The following ROBO1 variants were observed in gnomAD, a reference collection of about 807,000 sequenced individuals.
The protein encoded by ROBO1 is roundabout guidance receptor 1.
ROBO1 carries 149 observed loss-of-function variants against 195.9 expected under a neutral mutation model. That is an observed-to-expected ratio of 0.76 (90% CI 0.67 to 0.87). The LOEUF (loss-of-function observed/expected upper bound fraction) is 0.87, where lower values mean the gene tolerates loss of function less well. ROBO1 is among the 40% of genes least tolerant of loss of function. The probability of loss-of-function intolerance (pLI) is 0.00; values close to 1 mark genes in which losing one functional copy is unlikely to be tolerated. For missense variants in ROBO1, 1,933 were observed against 2,068.3 expected, an observed-to-expected ratio of 0.93 and a Z score of 1.27; for synonymous variants, 816 against 733.2, an observed-to-expected ratio of 1.11 and a Z score of -1.82.
chr3:78,803,882 C>G (rs766715704), intron 4 of ROBO1, among the ~76,000 whole-genome samples: 4 of 151,890 alleles, frequency 2.6e-5, no homozygotes, highest in Non-Finnish European at 5.9e-5. Context: ...ATGATTAATT[C>G]TTAAATGTAT....
At chr3:79,502,332 G>C (rs1053528547) in intron 2 of ROBO1, among the ~76,000 whole-genome samples, 1 of 152,166 alleles carries the variant, frequency 6.6e-6, no homozygotes, top group Non-Finnish European at 1.5e-5. Context: ...GCGGGGGCTC[G>C]GCGAGCCGCA....
intron 4 of ROBO1, among the ~76,000 whole-genome samples, chr3:78,759,548 C>T (rs942169134): frequency 1.3e-5 from 2 of 152,128 alleles, no homozygotes; most frequent in African/African-American, 4.8e-5. Context: ...TTGAGGCCCC[C>T]TCTTGTCCAT....
chr3:78,776,583 G>C (rs1315344804), intron 4 of ROBO1, among the ~76,000 whole-genome samples: 1 of 152,192 alleles, frequency 6.6e-6, no homozygotes, highest in Non-Finnish European at 1.5e-5. Context: ...TGAGGAATTT[G>C]CCTTTAGTGG....
At chr3:79,353,805 G>A (rs1047912403) in intron 2 of ROBO1, among the ~76,000 whole-genome samples, 2 of 152,290 alleles carry the variant, frequency 1.3e-5, no homozygotes, top group East Asian at 3.9e-4. Context: ...AGCACTTTGT[G>A]AGGCCAAGGA....
chr3:78,930,918 T>G (rs573588470), intron 4 of ROBO1, among the ~76,000 whole-genome samples: 1 of 152,336 alleles, frequency 6.6e-6, no homozygotes, highest in South Asian at 2.1e-4. Flanking sequence ...CCCAGTAATA[T>G]CCACATGTAA....
At chr3:79,641,483 C>A (rs1190949145) in intron 1 of ROBO1, among the ~76,000 whole-genome samples, 1 of 151,884 alleles carries the variant, frequency 6.6e-6, no homozygotes, top group Non-Finnish European at 1.5e-5. Context: ...ACCAGCATGG[C>A]ACATGTATAC....
intron 18 of ROBO1, among the ~76,000 whole-genome samples, chr3:78,655,370 G>A (rs549855267): frequency 6.6e-6 from 1 of 152,218 alleles, no homozygotes; most frequent in South Asian, 2.1e-4. Flanking sequence ...TGGGAGTAGT[G>A]ATGTGTACCA....
intron 24 of ROBO1, among the ~76,000 whole-genome samples, chr3:78,632,090 C>A (rs925904518): frequency 6.6e-6 from 1 of 152,068 alleles, no homozygotes; most frequent in African/African-American, 2.4e-5. Flanking sequence ...GACAAAATAT[C>A]CCCTTTCCAA....
chr3:79,102,434 T>C (rs1318373681), intron 3 of ROBO1, among the ~76,000 whole-genome samples: 2 of 151,748 alleles, frequency 1.3e-5, no homozygotes, highest in Non-Finnish European at 2.9e-5. Flanking sequence ...ATTAAGCTTA[T>C]TAAACATCAT....
intron 2 of ROBO1, among the ~76,000 whole-genome samples, chr3:79,241,965 A>G (rs1465139675): frequency 6.8e-6 from 1 of 147,574 alleles, no homozygotes; most frequent in Non-Finnish European, 1.5e-5. Context: ...TTTTTTCATG[A>G]AAGACACATT....
At chr3:78,678,753 C>G (rs542584203) in intron 10 of ROBO1, among the ~76,000 whole-genome samples, 1 of 152,020 alleles carries the variant, frequency 6.6e-6, no homozygotes, top group African/African-American at 2.4e-5. Flanking sequence ...GGTACAAGGA[C>G]GAACTGATAC....
At chr3:78,751,454 T>C (rs2108308063) in intron 4 of ROBO1, among the ~76,000 whole-genome samples, 1 of 152,256 alleles carries the variant, frequency 6.6e-6, no homozygotes, top group East Asian at 1.9e-4. Flanking sequence ...TGGTTTTGAT[T>C]CACAGGTGAG....
At chr3:79,767,108 G>A (rs1559568136) in intron 1 of ROBO1, among the ~76,000 whole-genome samples, 1 of 151,966 alleles carries the variant, frequency 6.6e-6, no homozygotes, top group Non-Finnish European at 1.5e-5. Flanking sequence ...CCTACATACC[G>A]CCAAGAGTTT....
At chr3:79,122,819 T>TC (rs2080144647) in intron 3 of ROBO1, among the ~76,000 whole-genome samples, 1 of 151,932 alleles carries the variant, frequency 6.6e-6, no homozygotes, top group Non-Finnish European at 1.5e-5. Flanking sequence ...TATTTCATGT[T>TC]CCCCCCAAAA....
chr3:79,533,573 A>G (rs1204827327), intron 2 of ROBO1, among the ~76,000 whole-genome samples: 2 of 152,140 alleles, frequency 1.3e-5, no homozygotes, highest in African/African-American at 4.8e-5. Context: ...AAAGATGAGG[A>G]TCAGGATTGG....
chr3:79,054,765 G>A (rs994135668), intron 3 of ROBO1, among the ~76,000 whole-genome samples: 3 of 152,132 alleles, frequency 2.0e-5, no homozygotes, highest in African/African-American at 7.2e-5. Flanking sequence ...GACACTCTAA[G>A]TATGATATAG....
chr3:78,605,446 TATTCATACA>T (rs1703411649), intron 29 of ROBO1, among the ~76,000 whole-genome samples: 1 of 152,224 alleles, frequency 6.6e-6, no homozygotes, highest in South Asian at 2.1e-4. Context: ...ATTTTGAGAG[TATTCATACA>T]ACAGAAGTAA....
At chr3:79,116,305 T>A (rs1040100518) in intron 3 of ROBO1, among the ~76,000 whole-genome samples, 2 of 151,628 alleles carry the variant, frequency 1.3e-5, no homozygotes, top group African/African-American at 4.8e-5. Flanking sequence ...TTTCTTTCTT[T>A]CCTTCCTTCC....
In ROBO1 at chr3:79,659,232, T is replaced by C. The variant is rs192132252; in HGVS notation, c.-50-69271A>G. Among the ~76,000 whole-genome samples the C allele has an allele frequency of 1.5e-3, 222 of 152,226 alleles. 1 individual carries two copies. The highest frequency in any genetic ancestry group is 5.2e-3 in the African/African-American group (217 of 41,568). ...TGCAACTAAACATGATGCTTAAAAA[T>C]TATTGAGATTTCAATAGTAATGAAA... On this transcript the variant is annotated intron_variant, in intron 1 of 30. Transcript: ENST00000464233.
Sources: allele counts gnomAD v4.1 joint callset (sites outside exome capture counted in the v4.1 genomes callset), GRCh38; gene constraint gnomAD v4.1.1; transcripts MANE v1.5; gene names NCBI Gene and HGNC (gene_info 2026-07-23, HGNC 2026-07-21).